FRS2: variants seen among roughly 807,000 people sequenced by gnomAD.
The protein encoded by FRS2 is fibroblast growth factor receptor substrate 2.
FRS2 carries 8 observed loss-of-function variants against 43.9 expected under a neutral mutation model. The ratio of observed to expected loss-of-function variants is 0.18; its 90% CI spans 0.11 to 0.33. The LOEUF is 0.33. Among genes scored for constraint, FRS2 ranks in the 10% least tolerant of loss-of-function variants. The pLI, the probability that FRS2 is intolerant of heterozygous loss-of-function variation, is 1.00. For synonymous variants in FRS2, 219 were observed against 220.3 expected, an observed-to-expected ratio of 0.99 and a Z score of 0.05; for missense variants, 534 against 627.6, an observed-to-expected ratio of 0.85 and a Z score of 1.59.
intron 1 of FRS2, among the ~76,000 whole-genome samples, chr12:69,475,924 C>T (rs79367190): frequency 0.027 from 4,163 of 151,900 alleles, 70 homozygotes; most frequent in Non-Finnish European, 0.042. Flanking sequence ...TTTCGATGGG[C>T]GCTTAGTTCT....
Position 69,573,608 on chromosome 12 carries a change from G to T in FRS2, c.577-397G>T, listed in dbSNP as rs151293172. Among the ~76,000 whole-genome samples the T allele has an allele frequency of 2.9e-3, 438 of 152,136 alleles. 6 individuals are homozygous for T. Among genetic ancestry groups the T allele is most frequent in the African/African-American group, 0.01 (434 of 41,510 alleles). ...CTCCAGAGTAGCTAGGATTACAGGC[G>T]CTCACCACCATGCCCAGCTAATTTT... On this transcript the variant is annotated intron_variant, in intron 8 of 8. Coordinates refer to ENST00000549921, the MANE Select transcript of FRS2 (RefSeq NM_001278356.2).
intron 3 of FRS2, among the ~76,000 whole-genome samples, chr12:69,549,115 A>G (rs1228887227): frequency 6.6e-6 from 1 of 152,226 alleles, no homozygotes; most frequent in African/African-American, 2.4e-5. Flanking sequence ...GAAAGTTATA[A>G]AAACTCAGTT....
chr12:69,479,905 G>A (rs1348567159), intron 1 of FRS2, among the ~76,000 whole-genome samples: 1 of 151,844 alleles, frequency 6.6e-6, no homozygotes, highest in East Asian at 1.9e-4. Context: ...TTTCTGTTTG[G>A]AACTTGTATT....
intron 4 of FRS2, among the ~76,000 whole-genome samples, chr12:69,564,769 T>A (rs373217805): frequency 6.6e-6 from 1 of 152,260 alleles, no homozygotes; most frequent in Non-Finnish European, 1.5e-5. Context: ...ATCATACATA[T>A]GTTTATTTAA....
intron 1 of FRS2, among the ~76,000 whole-genome samples, chr12:69,501,697 A>G (rs1267725708): frequency 6.6e-6 from 1 of 152,190 alleles, no homozygotes; most frequent in Admixed American, 6.5e-5. Flanking sequence ...TTCTTCAAGC[A>G]TATCAGGATT....
At chr12:69,551,979 T>C (rs1042241575) in intron 3 of FRS2, among the ~76,000 whole-genome samples, 17 of 152,108 alleles carry the variant, frequency 1.1e-4, no homozygotes, top group Non-Finnish European at 2.4e-4. Flanking sequence ...CTTTTTTTCT[T>C]TCTCAGTGGT....
intron 1 of FRS2, among the ~76,000 whole-genome samples, chr12:69,504,355 A>C (rs1456358165): frequency 6.6e-6 from 1 of 152,046 alleles, no homozygotes; most frequent in Non-Finnish European, 1.5e-5. Flanking sequence ...ACAGAATGAG[A>C]CTCCATCTAA....
At chr12:69,494,037 G>A (rs12230584) in intron 1 of FRS2, among the ~76,000 whole-genome samples, 58,482 of 151,938 alleles carry the variant, frequency 0.38, 11,803 homozygotes, top group South Asian at 0.58. Flanking sequence ...TTCTTGTTAG[G>A]CTTCTTTTCA....
chr12:69,518,499 G>C (rs1328269230), intron 1 of FRS2, among the ~76,000 whole-genome samples: 1 of 151,886 alleles, frequency 6.6e-6, no homozygotes, highest in Admixed American at 6.6e-5. Context: ...TTGAGCTCAG[G>C]AGTTTGACAC....
chr12:69,552,891 CA>C (rs369307414), intron 3 of FRS2, among the ~76,000 whole-genome samples: 145 of 125,392 alleles, frequency 1.2e-3, no homozygotes, highest in East Asian at 1.6e-3. Context: ...GACTCCATCT[CA>C]AAAAAAAAAA....
chr12:69,502,291 A>T (rs1873524934), intron 1 of FRS2, among the ~76,000 whole-genome samples: 1 of 152,072 alleles, frequency 6.6e-6, no homozygotes, highest in Admixed American at 6.6e-5. Flanking sequence ...TATTAAAGGG[A>T]CATCATTTAT....
intron 1 of FRS2, among the ~76,000 whole-genome samples, chr12:69,502,909 C>T (rs888247395): frequency 1.3e-5 from 2 of 152,202 alleles, no homozygotes; most frequent in African/African-American, 4.8e-5. Flanking sequence ...CTGCCGCCTA[C>T]AGCCTTTCCC....
chr12:69,543,669 T>C (rs927068314), intron 3 of FRS2, among the ~76,000 whole-genome samples: 2 of 152,136 alleles, frequency 1.3e-5, no homozygotes, highest in African/African-American at 4.8e-5. Flanking sequence ...ATAAATTGAT[T>C]TGTGAGCAAA....
intron 1 of FRS2, among the ~76,000 whole-genome samples, chr12:69,520,069 G>T (rs1299326793): frequency 6.6e-6 from 1 of 152,062 alleles, no homozygotes; most frequent in Non-Finnish European, 1.5e-5. Flanking sequence ...TTGCCAACAC[G>T]TTATTTCTTG....
Position 69,574,264 on chromosome 12 carries a change from G to A in FRS2, c.836G>A (p.Ser279Asn). The change falls in exon 9 of 9, where the codon AGT becomes AAT. Residue 279 changes from serine (S) to asparagine (N), a missense_variant. By Grantham distance (46) the Ser-to-Asn change is conservative (BLOSUM62 1). Transcript: ENST00000549921. ...CTTGGAAGAGATCAAGTTAGTGGAA[G>A]TGGAGCAAATAACACAGAATGGGAC... is the stretch of plus-strand genomic sequence containing the variant. ...EQLGRDQVSG[S>N]GANNTEWDTG... 1 of 1,614,196 alleles carries A rather than the reference G, an allele frequency of 6.2e-7. No homozygotes were observed. The highest frequency in any genetic ancestry group is 8.5e-7 in the Non-Finnish European group (1 of 1,179,998).
At chr12:69,524,067 A>C (rs755328995) in intron 1 of FRS2, among the ~76,000 whole-genome samples, 1 of 152,196 alleles carries the variant, frequency 6.6e-6, no homozygotes, top group Non-Finnish European at 1.5e-5. Flanking sequence ...GGGTGGCAGC[A>C]TGGCTGGAGG....
chr12:69,533,590 C>T (rs1393788404), intron 3 of FRS2, among the ~76,000 whole-genome samples: 9 of 152,174 alleles, frequency 5.9e-5, no homozygotes, highest in Admixed American at 5.9e-4. Context: ...CTCAGGTGAT[C>T]CGCCTGCCTT....
At chr12:69,553,298 G>T (rs1027408279) in intron 3 of FRS2, among the ~76,000 whole-genome samples, 7 of 151,860 alleles carry the variant, frequency 4.6e-5, no homozygotes, top group Admixed American at 1.3e-4. Context: ...GTCTCGAACT[G>T]CTCACCTCAT....
rs142081181 is a variant in FRS2 at position 69,535,862 on chromosome 12, T to C, written c.-122+3806T>C. Among the ~76,000 whole-genome samples the C allele has an allele frequency of 3.1e-4, 47 of 151,796 alleles. 1 individual carries two copies. The East Asian group carries it at 9.1e-3, about 29-fold the overall frequency. On this transcript the variant is annotated intron_variant, in intron 3 of 8. Coordinates refer to ENST00000549921, the MANE Select transcript of FRS2 (RefSeq NM_001278356.2). ...TTCTCCTTATAGATGTGTTAATTTTTGCTTTATTTATTTTGAATGTATGCT... is the reference window on the plus strand; with the variant it reads ...TTCTCCTTATAGATGTGTTAATTTTCGCTTTATTTATTTTGAATGTATGCT...
Sources: gnomAD v4.1 joint callset for allele counts (sites outside exome capture counted in the v4.1 genomes callset) on GRCh38, gnomAD v4.1.1 for gene constraint, MANE v1.5 for transcripts, NCBI Gene and HGNC (gene_info 2026-07-23, HGNC 2026-07-21) for gene names.